The following OPRM1 variants were observed in gnomAD, a reference collection of about 807,000 sequenced individuals.
OPRM1 encodes the protein mu-type opioid receptor.
In OPRM1, 27 loss-of-function variants were observed where a neutral mutation model predicts 31.8. The observed-to-expected ratio is 0.85, with a 90% CI of 0.63 to 1.17. OPRM1 has a LOEUF of 1.17. OPRM1 is among the 50% of genes most tolerant of loss of function. The pLI, the probability that OPRM1 is intolerant of heterozygous loss-of-function variation, is 0.00. For synonymous variants in OPRM1, 196 were observed against 189.9 expected (o/e 1.03, Z -0.26); for missense variants, 536 against 511.1 (o/e 1.05, Z -0.47).
chr6:154,140,533 T>C (rs2128537772), intron 3 of OPRM1, among the ~76,000 whole-genome samples: 1 of 152,274 alleles, frequency 6.6e-6, no homozygotes, highest in African/African-American at 2.4e-5. Flanking sequence ...TTTCGCCATG[T>C]TGGCCAGGCT....
At chr6:154,033,958 A>G (rs1293652071) in intron 1 of OPRM1, among the ~76,000 whole-genome samples, 1 of 152,242 alleles carries the variant, frequency 6.6e-6, no homozygotes, top group East Asian at 1.9e-4. Context: ...CAGTGACCCC[A>G]TGGCATACTA....
intron 1 of OPRM1, among the ~76,000 whole-genome samples, chr6:154,067,152 T>C (rs1206467131): frequency 6.6e-6 from 1 of 152,078 alleles, no homozygotes; most frequent in African/African-American, 2.4e-5. Context: ...CTCTATTTTT[T>C]TTTAGTTTCT....
At chr6:154,086,719 A>G in intron 1 of OPRM1, 1 of 985,330 alleles carries the variant, frequency 1.0e-6, no homozygotes, top group Non-Finnish European at 1.2e-6. Context: ...AAAGAAACCA[A>G]TTACTTAACA....
rs146517464 is a variant in OPRM1 at position 154,088,863 on chromosome 6, C to T, written c.291-963C>T. Among the ~76,000 whole-genome samples the T allele has an allele frequency of 1.5e-3, 225 of 152,300 alleles. 3 individuals are homozygous for T. The highest frequency in any genetic ancestry group is 5.2e-3 in the African/African-American group (217 of 41,562). Reference sequence around the variant, plus strand: ...CCTTGCCATTCCCTGGTAGAATGTGCTTGACACACACATCAGGCCATTCCA... The same window carrying T: ...CCTTGCCATTCCCTGGTAGAATGTGTTTGACACACACATCAGGCCATTCCA... On this transcript the variant is annotated intron_variant, in intron 1 of 3. Coordinates refer to ENST00000330432, the MANE Select transcript of OPRM1 (RefSeq NM_000914.5).
chr6:154,159,861 T>C (rs1798864301), intron 3 of OPRM1: 1 of 1,611,378 alleles, frequency 6.2e-7, no homozygotes, highest in Non-Finnish European at 8.5e-7. Context: ...GAGAAGAAGG[T>C]GATTTCTTGA....
At chr6:154,152,185 A>G (rs1041574499) in intron 3 of OPRM1, among the ~76,000 whole-genome samples, 6 of 144,098 alleles carry the variant, frequency 4.2e-5, no homozygotes, top group African/African-American at 1.6e-4. Context: ...AAAAAAAAGA[A>G]AGAGAGAGAG....
chr6:154,221,139 C>A, intron 3 of OPRM1: 1 of 733,732 alleles, frequency 1.4e-6, no homozygotes, highest in Non-Finnish European at 2.2e-6. Flanking sequence ...TAAATTAATC[C>A]TTAAAGTAAC....
chr6:154,074,905 A>G lies in OPRM1; in HGVS notation c.291-14921A>G, dbSNP rs144253283. ...AAAATGTATCTATTAAAGGTAGAGAACAAAAGCAATGGAAGAGAGGCAATA... is the reference window on the plus strand; with the variant it reads ...AAAATGTATCTATTAAAGGTAGAGAGCAAAAGCAATGGAAGAGAGGCAATA... On this transcript the variant is annotated intron_variant, in intron 1 of 3. Transcript: ENST00000330432. Among the ~76,000 whole-genome samples, 460 of 152,300 alleles carry G rather than the reference A, an allele frequency of 3.0e-3. 4 individuals carry two copies. Among genetic ancestry groups the G allele is most frequent in the African/African-American group, 0.01 (428 of 41,576 alleles).
chr6:154,179,261 G>A (rs1485113328), intron 3 of OPRM1, among the ~76,000 whole-genome samples: 1 of 152,168 alleles, frequency 6.6e-6, no homozygotes, highest in Non-Finnish European at 1.5e-5. Flanking sequence ...TAAGACTACA[G>A]CAGGCTTGTC....
intron 3 of OPRM1, among the ~76,000 whole-genome samples, chr6:154,172,730 G>A (rs912382797): frequency 2.0e-5 from 3 of 152,238 alleles, no homozygotes; most frequent in African/African-American, 7.2e-5. Flanking sequence ...CTGGGGGCAG[G>A]GCATATCTGA....
chr6:154,192,709 T>A (rs1205818449), intron 3 of OPRM1, among the ~76,000 whole-genome samples: 1 of 151,964 alleles, frequency 6.6e-6, no homozygotes, highest in Non-Finnish European at 1.5e-5. Context: ...GCTAAGGACA[T>A]GAATAGACAG....
intron 1 of OPRM1, chr6:154,074,063 T>C (rs544935087): frequency 6.6e-6 from 1 of 152,252 alleles, no homozygotes; most frequent in East Asian, 1.9e-4. Context: ...TTCTATGAAA[T>C]AGGAGGAAGC....
chr6:154,209,792 A>T (rs1777817026), intron 3 of OPRM1, among the ~76,000 whole-genome samples: 1 of 152,158 alleles, frequency 6.6e-6, no homozygotes, highest in African/African-American at 2.4e-5. Context: ...GAAATATGTG[A>T]TCAGGAGGAA....
At chr6:154,231,745 G>A (rs978596306) in intron 3 of OPRM1, among the ~76,000 whole-genome samples, 2 of 152,188 alleles carry the variant, frequency 1.3e-5, no homozygotes. Context: ...GAAGAAAGAG[G>A]ATAGAGAACA....
At position 154,039,846 on chromosome 6, in the gene OPRM1, G is replaced by A. The variant is rs1371704343; in HGVS notation, c.290+12G>A. 7 of 1,564,416 alleles carry A rather than the reference G, an allele frequency of 4.5e-6. No individual in the cohort carries two copies. Among genetic ancestry groups the A allele is most frequent in the African/African-American group, 1.3e-5 (1 of 74,410 alleles). ...TATGTGATTGTCAGGTAAGGAAAGC[G>A]CCAGGGCTCCGAGCGGAGGGTTCAG... On this transcript the variant is annotated intron_variant, in intron 1 of 3. Coordinates refer to ENST00000330432, the MANE Select transcript of OPRM1 (RefSeq NM_000914.5).
intron 3 of OPRM1, among the ~76,000 whole-genome samples, chr6:154,192,362 G>C (rs910827420): frequency 4.7e-5 from 7 of 150,468 alleles, no homozygotes; most frequent in Admixed American, 1.3e-4. Flanking sequence ...GTATGCATGT[G>C]TGTGTATTTA....
At chr6:154,115,550 A>AAGAG (rs748729832) in intron 3 of OPRM1, among the ~76,000 whole-genome samples, 1 of 152,014 alleles carries the variant, frequency 6.6e-6, no homozygotes, top group African/African-American at 2.4e-5. Flanking sequence ...AAAAGAAAAA[A>AAGAG]AGAGAGAGAG....
At chr6:154,196,168 A>G (rs1269551250) in intron 3 of OPRM1, among the ~76,000 whole-genome samples, 1 of 152,172 alleles carries the variant, frequency 6.6e-6, no homozygotes, top group East Asian at 1.9e-4. Flanking sequence ...AATGATATAT[A>G]CACAATATAA....
intron 1 of OPRM1, among the ~76,000 whole-genome samples, chr6:154,070,785 T>G (rs935530486): frequency 3.9e-5 from 6 of 152,156 alleles, no homozygotes; most frequent in Admixed American, 2.6e-4. Context: ...AAGCCAAATA[T>G]AGGAGGAAAT....
Sources: gnomAD v4.1 joint callset for allele counts (sites outside exome capture counted in the v4.1 genomes callset) on GRCh38, gnomAD v4.1.1 for gene constraint, MANE v1.5 for transcripts, NCBI Gene and HGNC (gene_info 2026-07-23, HGNC 2026-07-21) for gene names.